Variants in PREP observed in about 807,000 individuals in gnomAD.
The protein encoded by PREP is prolyl endopeptidase, also known as dJ355L5.1 (prolyl endopeptidase).
In PREP, 29 loss-of-function variants were observed where a neutral mutation model predicts 87.6. The observed-to-expected ratio is 0.33, with a 90% CI of 0.25 to 0.45. The LOEUF (loss-of-function observed/expected upper bound fraction) is 0.45, where lower values mean the gene tolerates loss of function less well. Ranked by LOEUF, PREP falls within the 20% of genes least tolerant of loss-of-function variation. PREP has a pLI of 1.00. For synonymous variants in PREP, 337 were observed against 328.6 expected (o/e 1.03, Z -0.28); for missense variants, 695 against 886.5 (o/e 0.78, Z 2.74).
chr6:105,317,835 G>A (rs561372782), intron 10 of PREP, among the ~76,000 whole-genome samples: 3 of 152,284 alleles, frequency 2.0e-5, no homozygotes, highest in Admixed American at 1.3e-4. Flanking sequence ...ATTCCCATAC[G>A]CTTGCATCAC....
intron 2 of PREP, among the ~76,000 whole-genome samples, chr6:105,384,402 T>C (rs1273234980): frequency 6.6e-6 from 1 of 152,220 alleles, no homozygotes; most frequent in Non-Finnish European, 1.5e-5. Context: ...GTGACAGTTA[T>C]ACCTTCAGAA....
chr6:105,397,986 A>AT (rs1427910461), intron 1 of PREP, 59 bp from the exon 2 acceptor site: 26 of 1,290,628 alleles, frequency 2.0e-5, no homozygotes, highest in East Asian at 4.6e-5. Context: ...TAAAACTGGT[A>AT]TTTTTTTAAT....
At chr6:105,392,954 A>G (rs916438477) in intron 2 of PREP, among the ~76,000 whole-genome samples, 1 of 152,240 alleles carries the variant, frequency 6.6e-6, no homozygotes, top group African/African-American at 2.4e-5. Context: ...TCTTCCATGC[A>G]TACCTCTCAT....
chr6:105,297,660 T>C (rs1025035524), intron 10 of PREP, among the ~76,000 whole-genome samples: 1 of 152,238 alleles, frequency 6.6e-6, no homozygotes, highest in African/African-American at 2.4e-5. Flanking sequence ...AGTGCTCACA[T>C]GGGATCTAAC....
At chr6:105,397,793 C>G in intron 2 of PREP, 60 bp downstream of exon 2, 2 of 1,292,906 alleles carry the variant, frequency 1.5e-6, no homozygotes, top group East Asian at 2.3e-5. Flanking sequence ...TAGTTACTGA[C>G]ATTTAGAGTT....
intron 10 of PREP, among the ~76,000 whole-genome samples, chr6:105,306,776 C>A (rs1048720159): frequency 1.3e-5 from 2 of 149,740 alleles, no homozygotes; most frequent in Admixed American, 6.7e-5. Flanking sequence ...ACCCCCTTCA[C>A]AACTTTCCCT....
intron 7 of PREP, among the ~76,000 whole-genome samples, chr6:105,348,792 T>C (rs1771867127): frequency 6.6e-6 from 1 of 151,712 alleles, no homozygotes; most frequent in African/African-American, 2.4e-5. Context: ...GAAAGGAGAA[T>C]TGCTTGAACT....
intron 12 of PREP, among the ~76,000 whole-genome samples, chr6:105,283,069 C>T (rs3799994): frequency 0.066 from 10,046 of 152,294 alleles, 431 homozygotes; most frequent in African/African-American, 0.13. Flanking sequence ...TGCAGAGGCA[C>T]GCTTCCCACC....
intron 12 of PREP, among the ~76,000 whole-genome samples, chr6:105,282,875 GA>G (rs1207871776): frequency 6.6e-6 from 1 of 152,214 alleles, no homozygotes; most frequent in African/African-American, 2.4e-5. Context: ...AGAGATGTAT[GA>G]TAATGAAAGG....
At chr6:105,392,689 G>T (rs1395245158) in intron 2 of PREP, among the ~76,000 whole-genome samples, 1 of 152,166 alleles carries the variant, frequency 6.6e-6, no homozygotes, top group Admixed American at 6.5e-5. Flanking sequence ...CGATTCTCCT[G>T]CCTCAGCCAC....
chr6:105,381,962 C>T (rs1213117679), intron 2 of PREP, among the ~76,000 whole-genome samples: 1 of 152,102 alleles, frequency 6.6e-6, no homozygotes, highest in East Asian at 1.9e-4. Context: ...TTCCTTTACT[C>T]CTAATGTCTT....
intron 6 of PREP, among the ~76,000 whole-genome samples, chr6:105,362,878 AC>A (rs530063622): frequency 6.6e-6 from 1 of 151,766 alleles, no homozygotes; most frequent in African/African-American, 2.4e-5. Context: ...GGAGGCAGGG[AC>A]CCCCCACCAG....
At chr6:105,325,920 G>C (rs1185412564) in intron 9 of PREP, among the ~76,000 whole-genome samples, 1 of 152,176 alleles carries the variant, frequency 6.6e-6, no homozygotes, top group Non-Finnish European at 1.5e-5. Flanking sequence ...AGGAGGCAGG[G>C]AGATCAGTTG....
intron 10 of PREP, among the ~76,000 whole-genome samples, chr6:105,295,260 G>C (rs1213012030): frequency 1.3e-5 from 2 of 150,452 alleles, no homozygotes; most frequent in Admixed American, 1.3e-4. Context: ...TCCTGGTAAA[G>C]CTTCTGCTAA....
At chr6:105,350,088 G>C (rs1358123901) in intron 7 of PREP, among the ~76,000 whole-genome samples, 2 of 152,010 alleles carry the variant, frequency 1.3e-5, no homozygotes, top group East Asian at 1.9e-4. Flanking sequence ...TCTGTATTTA[G>C]AGCAGCTTTG....
rs73516010 is a variant in PREP at position 105,358,460 on chromosome 6, T to A, written c.718-5383A>T. The stretch of plus-strand genomic sequence containing the variant: ...CTAACATCTGTATTGATAAATATAT[T>A]TGGAAAGAGGAAAAAATCTAGATGT... On this transcript the variant is annotated intron_variant, in intron 6 of 14. Transcript: ENST00000652536. 4.6e-3 allele frequency among the ~76,000 whole-genome samples: 698 copies of A among 152,248 alleles called. 12 individuals are homozygous for A. The highest frequency in any genetic ancestry group is 0.016 in the African/African-American group (651 of 41,556).
At chr6:105,310,180 G>A (rs536600759) in intron 10 of PREP, among the ~76,000 whole-genome samples, 6 of 152,284 alleles carry the variant, frequency 3.9e-5, no homozygotes, top group African/African-American at 7.2e-5. Flanking sequence ...TCAGAGATGC[G>A]TGATTAACGT....
chr6:105,286,217 A>C (rs1770186321), intron 11 of PREP, among the ~76,000 whole-genome samples: 1 of 152,260 alleles, frequency 6.6e-6, no homozygotes. Context: ...GGCTCACAGG[A>C]GGACCTGATA....
At position 105,368,954 on chromosome 6, in the gene PREP, A is replaced by G; in HGVS notation, c.666T>C (p.Asp222=). ...CATCAGGAAACTCAGCACACAAAATATCTTCTGACTGATCGGTTCCCAAGA... is the reference window on the plus strand; with the variant it reads ...CATCAGGAAACTCAGCACACAAAATGTCTTCTGACTGATCGGTTCCCAAGA... ...YHVLGTDQSE[D]ILCAEFPDEP... The change falls in exon 6 of 15, where the codon GAT becomes GAC. Residue 222 remains aspartate (D), a synonymous_variant. Transcript: ENST00000652536. The G allele has an allele frequency of 6.2e-7, 1 of 1,614,076 alleles. No homozygotes were observed. The highest frequency in any genetic ancestry group is 8.5e-7 in the Non-Finnish European group (1 of 1,179,964).
Sources: allele counts gnomAD v4.1 joint callset (sites outside exome capture counted in the v4.1 genomes callset), GRCh38; gene constraint gnomAD v4.1.1; transcripts MANE v1.5; gene names NCBI Gene and HGNC (gene_info 2026-07-23, HGNC 2026-07-21).